Variants in CCDC60 observed in about 807,000 individuals in gnomAD.
The protein encoded by CCDC60 is coiled-coil domain containing 60.
Under a neutral mutation model 63.5 loss-of-function variants are expected in CCDC60, and 54 were observed. The ratio of observed to expected loss-of-function variants is 0.85; its 90% CI spans 0.68 to 1.07. The LOEUF (loss-of-function observed/expected upper bound fraction) is 1.07, where lower values mean the gene tolerates loss of function less well. Among genes scored for constraint, CCDC60 ranks in the 50% least tolerant of loss-of-function variants. The probability of loss-of-function intolerance (pLI) is 0.00; values close to 1 mark genes in which losing one functional copy is unlikely to be tolerated. For missense variants in CCDC60, 651 were observed against 684.3 expected, an observed-to-expected ratio of 0.95 and a Z score of 0.54; for synonymous variants, 206 against 238.8, an observed-to-expected ratio of 0.86 and a Z score of 1.27.
In CCDC60 at chr12:119,530,984, GA is replaced by G; in HGVS notation, c.1473del (p.His493MetfsTer4). On this transcript the variant is annotated frameshift_variant, in exon 13 of 14. Coordinates refer to ENST00000327554, the MANE Select transcript of CCDC60 (RefSeq NM_178499.5). LOFTEE classifies it high-confidence loss of function. ...GGAGAAAACCTGGACTTGCGGATTC[GA>G]CCCCATGTCCTCCTGAAGGTGCTGC... is the stretch of plus-strand genomic sequence containing the variant. ...KFGENLDLRI[R>X]PHVLLKVLQD... 1.9e-6 allele frequency: 3 copies of G among 1,614,110 alleles called. No homozygotes were observed. The highest frequency in any genetic ancestry group is 2.5e-6 in the Non-Finnish European group (3 of 1,179,976).
At chr12:119,504,261 G>T (rs1356512645) in intron 6 of CCDC60, among the ~76,000 whole-genome samples, 1 of 152,144 alleles carries the variant, frequency 6.6e-6, no homozygotes. Flanking sequence ...CTTGGATCAT[G>T]AGTTATACGA....
Position 119,387,029 on chromosome 12 carries a change from C to CTCTG in CCDC60, c.91-41651_91-41650insGTCT, listed in dbSNP as rs1956072655. On this transcript the variant is annotated intron_variant, in intron 1 of 13. Transcript: ENST00000327554. ...TCTCTCTCCCTCCCTCCCCCTCTGTCTCTCTCACACACACACACACACACA... is the reference window on the plus strand; with the variant it reads ...TCTCTCTCCCTCCCTCCCCCTCTGTCTCTGTCTCTCACACACACACACACACACA... Among the ~76,000 whole-genome samples, 3 of 114,090 alleles carry CTCTG rather than the reference C, an allele frequency of 2.6e-5. No homozygotes were observed. The Admixed American group carries it at 3.0e-4, about 11-fold the overall frequency. 74.8% of individuals were successfully genotyped at this position (114,090 alleles called of 152,430 possible).
chr12:119,362,900 A>T (rs965904774), intron 1 of CCDC60, among the ~76,000 whole-genome samples: 1 of 152,216 alleles, frequency 6.6e-6, no homozygotes, highest in African/African-American at 2.4e-5. Flanking sequence ...GGAGTTCGAG[A>T]CCAGCTTGGC....
intron 1 of CCDC60, among the ~76,000 whole-genome samples, chr12:119,354,914 G>T (rs1394995617): frequency 6.6e-6 from 1 of 152,132 alleles, no homozygotes; most frequent in Non-Finnish European, 1.5e-5. Flanking sequence ...TCTGAAGATG[G>T]GGCCTCATCA....
chr12:119,390,808 T>A (rs1043809872), intron 1 of CCDC60, among the ~76,000 whole-genome samples: 1 of 152,248 alleles, frequency 6.6e-6, no homozygotes, highest in Admixed American at 6.5e-5. Context: ...TAGATGATCT[T>A]AAGCAAGAAC....
intron 5 of CCDC60, 108 bp from the exon 6 acceptor site, chr12:119,499,970 A>T (rs1951808686): frequency 1.2e-6 from 1 of 821,852 alleles, no homozygotes; most frequent in Non-Finnish European, 2.1e-6. Context: ...AGGAAATCCT[A>T]ACAGAGCCCA....
intron 1 of CCDC60, among the ~76,000 whole-genome samples, chr12:119,361,337 C>T (rs114762735): frequency 6.6e-6 from 1 of 152,246 alleles, no homozygotes; most frequent in African/African-American, 2.4e-5. Flanking sequence ...TACAGAAACT[C>T]TAAGGTTTCA....
chr12:119,510,249 G>C (rs1416693544), intron 7 of CCDC60, among the ~76,000 whole-genome samples: 6 of 152,116 alleles, frequency 3.9e-5, no homozygotes, highest in African/African-American at 1.4e-4. Flanking sequence ...CTTGCCCCAG[G>C]CTGCCCAGGT....
At chr12:119,482,008 T>C (rs201643909) in intron 4 of CCDC60, among the ~76,000 whole-genome samples, 1 of 19,268 alleles carries the variant, frequency 5.2e-5, no homozygotes, top group Non-Finnish European at 9.3e-5. Flanking sequence ...GTATATATAG[T>C]ATATATATAT....
At chr12:119,339,714 A>G (rs1219007362) in intron 1 of CCDC60, among the ~76,000 whole-genome samples, 1 of 152,238 alleles carries the variant, frequency 6.6e-6, no homozygotes, top group African/African-American at 2.4e-5. Context: ...AGGCTGAGGC[A>G]GGAGGCTTGC....
chr12:119,496,834 A>G (rs1344923621), intron 5 of CCDC60, among the ~76,000 whole-genome samples: 8 of 152,160 alleles, frequency 5.3e-5, no homozygotes, highest in Non-Finnish European at 1.2e-4. Flanking sequence ...CTAAGATAAC[A>G]CTTTCCTGGC....
intron 1 of CCDC60, among the ~76,000 whole-genome samples, chr12:119,386,829 A>G (rs1312117477): frequency 6.6e-6 from 1 of 152,190 alleles, no homozygotes; most frequent in Non-Finnish European, 1.5e-5. Context: ...CCAACCGAGC[A>G]TTGCGAGGAA....
intron 1 of CCDC60, among the ~76,000 whole-genome samples, chr12:119,416,311 A>G (rs751416089): frequency 2.0e-5 from 3 of 151,448 alleles, no homozygotes; most frequent in Admixed American, 1.3e-4. Context: ...CCCAGGAGGC[A>G]GAGGTTACAG....
chr12:119,443,166 C>T (rs1247021160), intron 2 of CCDC60, among the ~76,000 whole-genome samples: 2 of 152,290 alleles, frequency 1.3e-5, no homozygotes, highest in African/African-American at 4.8e-5. Flanking sequence ...CTAGGCTCAG[C>T]CTTTTCTTTA....
At chr12:119,386,147 G>A (rs546671392) in intron 1 of CCDC60, among the ~76,000 whole-genome samples, 1 of 152,128 alleles carries the variant, frequency 6.6e-6, no homozygotes, top group Non-Finnish European at 1.5e-5. Context: ...GTTTTGTTAA[G>A]GACTCACTGG....
intron 5 of CCDC60, 83 bp from the exon 6 acceptor site, chr12:119,499,995 T>C (rs543112061): frequency 2.1e-6 from 2 of 960,430 alleles, no homozygotes; most frequent in Non-Finnish European, 3.4e-6. Context: ...CCATTCCTCC[T>C]CTATTTATTG....
chr12:119,480,111 ACTTCT>A (rs1199968876), intron 4 of CCDC60, among the ~76,000 whole-genome samples: 3 of 151,848 alleles, frequency 2.0e-5, no homozygotes, highest in African/African-American at 7.3e-5. Flanking sequence ...ATGATTCCAG[ACTTCT>A]CTGTCTGCTC....
rs1224088473 is a variant in CCDC60 at position 119,456,060 on chromosome 12, A to AAAGAAAGCAAGCAAGCAAGCAAGC, written c.171-15931_171-15930insAAAGCAAGCAAGCAAGCAAGCAAG. The stretch of plus-strand genomic sequence containing the variant: ...GAAAGAAAGAAAGAAAGAAAGAAAG[A>AAAGAAAGCAAGCAAGCAAGCAAGC]AAGCAAGCAAGCATGTGCAATTTCA... On this transcript the variant is annotated intron_variant, in intron 2 of 13. Coordinates refer to ENST00000327554, the MANE Select transcript of CCDC60 (RefSeq NM_178499.5). The surrounding 1 kb of genome is among the most constrained non-coding windows in gnomAD (Gnocchi z 4.6). Among the ~76,000 whole-genome samples, 375 of 118,694 alleles carry AAAGAAAGCAAGCAAGCAAGCAAGC rather than the reference A, an allele frequency of 3.2e-3. 2 individuals are homozygous for AAAGAAAGCAAGCAAGCAAGCAAGC. Among genetic ancestry groups the AAAGAAAGCAAGCAAGCAAGCAAGC allele is most frequent in the East Asian group, 5.2e-3 (19 of 3,646 alleles). 77.9% of individuals were successfully genotyped at this position (118,694 alleles called of 152,430 possible). A position where few individuals can be genotyped will look rare whatever the true frequency, so the allele number is the denominator to read the frequency against.
chr12:119,357,247 C>T (rs1376865872), intron 1 of CCDC60, among the ~76,000 whole-genome samples: 1 of 152,194 alleles, frequency 6.6e-6, no homozygotes, highest in Non-Finnish European at 1.5e-5. Flanking sequence ...GTTTTGAGAA[C>T]ATTTCAAGTC....
Sources: gnomAD v4.1 joint callset for allele counts (sites outside exome capture counted in the v4.1 genomes callset) on GRCh38, gnomAD v4.1.1 for gene constraint, Gnocchi (gnomAD v3.1) non-coding constraint, MANE v1.5 for transcripts, NCBI Gene and HGNC (gene_info 2026-07-23, HGNC 2026-07-21) for gene names.